LMBR1: variants seen among roughly 807,000 people sequenced by gnomAD.
The protein encoded by LMBR1 is limb development membrane protein 1, also known as limb region 1 protein homolog.
In LMBR1, 52 loss-of-function variants were observed where a neutral mutation model predicts 73.9. The ratio of observed to expected loss-of-function variants is 0.70; its 90% CI spans 0.56 to 0.89. The LOEUF is 0.89. Among genes scored for constraint, LMBR1 ranks in the 40% least tolerant of loss-of-function variants. The pLI is 0.00. For synonymous variants in LMBR1, 215 were observed against 209.4 expected (o/e 1.03, Z -0.23); for missense variants, 539 against 579.8 (o/e 0.93, Z 0.72).
intron 5 of LMBR1, among the ~76,000 whole-genome samples, chr7:156,790,151 C>T (rs1472089085): frequency 6.6e-6 from 1 of 152,028 alleles, no homozygotes; most frequent in Non-Finnish European, 1.5e-5. Context: ...AAAATAAAAG[C>T]TGAATATGTC....
intron 1 of LMBR1, among the ~76,000 whole-genome samples, chr7:156,863,353 T>C (rs891366599): frequency 9.3e-5 from 14 of 150,960 alleles, no homozygotes; most frequent in Non-Finnish European, 2.1e-4. Flanking sequence ...TTTTTTTTTT[T>C]CTGCCTGCTT....
chr7:156,842,458 A>AGT (rs1487166249), intron 1 of LMBR1, among the ~76,000 whole-genome samples: 4 of 152,176 alleles, frequency 2.6e-5, no homozygotes, highest in African/African-American at 4.8e-5. Flanking sequence ...TTATCTGTTG[A>AGT]GTGACCTTGC....
intron 1 of LMBR1, among the ~76,000 whole-genome samples, chr7:156,857,795 A>G (rs1797174091): frequency 6.6e-6 from 1 of 152,232 alleles, no homozygotes; most frequent in Non-Finnish European, 1.5e-5. Context: ...ATAAATCAGT[A>G]ACTGAAATAT....
At chr7:156,818,746 A>T (rs1834311394) in intron 4 of LMBR1, among the ~76,000 whole-genome samples, 3 of 152,356 alleles carry the variant, frequency 2.0e-5, no homozygotes, top group Middle Eastern at 3.4e-3. Context: ...TTTTCAACTT[A>T]TGGAAATGAA....
At chr7:156,699,540 C>A (rs1304390702) in intron 15 of LMBR1, among the ~76,000 whole-genome samples, 3 of 151,592 alleles carry the variant, frequency 2.0e-5, no homozygotes, top group Admixed American at 6.6e-5. Flanking sequence ...GCAACAAAAG[C>A]CAAAATTGAC....
At chr7:156,853,597 T>C (rs1184263764) in intron 1 of LMBR1, among the ~76,000 whole-genome samples, 1 of 152,210 alleles carries the variant, frequency 6.6e-6, no homozygotes, top group Admixed American at 6.5e-5. Flanking sequence ...CAAATGAAGA[T>C]TCTCAAGCAG....
intron 15 of LMBR1, among the ~76,000 whole-genome samples, chr7:156,690,284 A>G (rs553756344): frequency 6.6e-6 from 1 of 152,366 alleles, no homozygotes; most frequent in Admixed American, 6.5e-5. Context: ...TTTAAAAATC[A>G]TAACAATAAA....
At chr7:156,888,610 A>T (rs1001686264) in intron 1 of LMBR1, among the ~76,000 whole-genome samples, 3 of 151,760 alleles carry the variant, frequency 2.0e-5, no homozygotes, top group African/African-American at 7.3e-5. Flanking sequence ...CAAAAAGAAA[A>T]TATTATTCAG....
intron 1 of LMBR1, among the ~76,000 whole-genome samples, chr7:156,841,834 G>C (rs1215691708): frequency 2.0e-5 from 3 of 151,928 alleles, no homozygotes; most frequent in African/African-American, 7.3e-5. Flanking sequence ...ATTATAAAGA[G>C]GAGCAAAGAA....
chr7:156,762,363 A>C (rs1823216282), intron 7 of LMBR1, among the ~76,000 whole-genome samples, 165 bp from the exon 8 acceptor site: 1 of 152,228 alleles, frequency 6.6e-6, no homozygotes, highest in Non-Finnish European at 1.5e-5. Context: ...ACTCTTCACC[A>C]TCATCAATAA....
Position 156,752,185 on chromosome 7 carries a change from G to C in LMBR1, c.757+4208C>G, listed in dbSNP as rs141590011. Among the ~76,000 whole-genome samples, 577 of 152,314 alleles carry C rather than the reference G, an allele frequency of 3.8e-3. 3 individuals are homozygous for C. Among genetic ancestry groups the C allele is most frequent in the African/African-American group, 0.013 (529 of 41,570 alleles). On this transcript the variant is annotated intron_variant, in intron 9 of 16. Transcript: ENST00000353442. ...GGAAGATAAGGACTACGAAGTCACA[G>C]ACCAACCTGACCATGGCATTTCATA...
intron 9 of LMBR1, among the ~76,000 whole-genome samples, chr7:156,748,587 C>G (rs1820262606): frequency 1.3e-5 from 2 of 152,086 alleles, no homozygotes; most frequent in African/African-American, 4.8e-5. Flanking sequence ...TGCCCAGGTT[C>G]AAGTGATTCT....
At chr7:156,677,334 G>A (rs1019695723), downstream of LMBR1, among the ~76,000 whole-genome samples, 11 of 152,206 alleles carry the variant, frequency 7.2e-5, no homozygotes, top group South Asian at 1.0e-3. Context: ...TCAGTGGCTC[G>A]CTGAAGACAC....
intron 5 of LMBR1, among the ~76,000 whole-genome samples, chr7:156,773,844 C>T (rs1341926107): frequency 2.6e-5 from 4 of 151,866 alleles, no homozygotes; most frequent in Admixed American, 2.0e-4. Flanking sequence ...AAACAAAAAT[C>T]GACAAATGGG....
intron 15 of LMBR1, among the ~76,000 whole-genome samples, chr7:156,705,621 A>T (rs1002670693): frequency 2.6e-5 from 4 of 152,218 alleles, no homozygotes; most frequent in African/African-American, 9.6e-5. Flanking sequence ...AGCTTCATAC[A>T]TGAAGGAGAG....
downstream of LMBR1, chr7:156,676,699 T>C: frequency 2.0e-6 from 3 of 1,493,036 alleles, no homozygotes; most frequent in Non-Finnish European, 2.8e-6. Context: ...GAAAAAAGTT[T>C]ACCATCATTT....
At chr7:156,777,185 T>C (rs1826306740) in intron 5 of LMBR1, among the ~76,000 whole-genome samples, 2 of 152,222 alleles carry the variant, frequency 1.3e-5, no homozygotes, top group Non-Finnish European at 2.9e-5. Flanking sequence ...TCTGCCCACC[T>C]CAGCCTCCCA....
In LMBR1 at chr7:156,763,680, T is replaced by A; in HGVS notation, c.539A>T (p.Glu180Val). 1 of 1,590,630 alleles carries A rather than the reference T, an allele frequency of 6.3e-7. No homozygotes were observed. Among genetic ancestry groups the A allele is most frequent in the Non-Finnish European group, 8.5e-7 (1 of 1,173,836 alleles). The change falls in exon 6 of 17, where the codon GAA (glutamate) becomes GTA (valine). Residue 180 changes from glutamate to valine, a missense_variant. Transcript: ENST00000353442. Reference sequence around the variant, plus strand: ...AAGGAAATCCATACCATATAAAGATTCCATGCTTGCGGCATCGTTGTCAAT... The same window carrying A: ...AAGGAAATCCATACCATATAAAGATACCATGCTTGCGGCATCGTTGTCAAT... ...ALIDNDAASM[E>V]SLYDLWEFYL...
At chr7:156,761,966 G>C (rs1271677902) in intron 8 of LMBR1, among the ~76,000 whole-genome samples, 168 bp downstream of exon 8, 1 of 97,618 alleles carries the variant, frequency 1.0e-5, no homozygotes, top group Admixed American at 1.1e-4. Flanking sequence ...GACAGAGCAA[G>C]ACTCTGTCTC....
Sources: gnomAD v4.1 joint callset for allele counts (sites outside exome capture counted in the v4.1 genomes callset) on GRCh38, gnomAD v4.1.1 for gene constraint, MANE v1.5 for transcripts, NCBI Gene and HGNC (gene_info 2026-07-23, HGNC 2026-07-21) for gene names.